TSPEAR: variants seen among roughly 807,000 people sequenced by gnomAD.
TSPEAR encodes thrombospondin-type laminin G domain and EAR repeat-containing protein.
Under a neutral mutation model 71.6 loss-of-function variants are expected in TSPEAR, and 69 were observed. The observed-to-expected ratio is 0.96, with a 90% CI of 0.79 to 1.18. The LOEUF is 1.18. TSPEAR is among the 50% of genes most tolerant of loss of function. The pLI is 0.00. For missense variants in TSPEAR, 971 were observed against 894.9 expected (o/e 1.09, Z -1.09); for synonymous variants, 402 against 387.2 (o/e 1.04, Z -0.45).
chr21:44,583,223 G>A (rs959261588), intron 1 of TSPEAR, among the ~76,000 whole-genome samples: 1 of 152,212 alleles, frequency 6.6e-6, no homozygotes, highest in Non-Finnish European at 1.5e-5. Context: ...AGCCCTGGCT[G>A]GGGGAGGGAG....
intron 6 of TSPEAR, 102 bp downstream of exon 6, chr21:44,528,350 T>A (rs1011811038): frequency 2.6e-6 from 4 of 1,528,188 alleles, no homozygotes; most frequent in Non-Finnish European, 3.6e-6. Flanking sequence ...CCTGAGGTCA[T>A]TCAGAGGTGG....
In TSPEAR at chr21:44,525,661, T is replaced by C; in HGVS notation, c.1328A>G (p.His443Arg). Reference protein sequence around the residue: ...DGEHFLAVANHREGDNHNIDS... With the variant: ...DGEHFLAVANRREGDNHNIDS... ...GGCCACTCCTGCCCTACCTTCCCGG[T>C]GGTTGGCCACCGCCAGGAAGTGCTC... The change falls in exon 8 of 12, where the codon CAC becomes CGC. Residue 443 changes from histidine to arginine, a missense_variant. Transcript: ENST00000323084. 6.2e-7 allele frequency: 1 copy of C among 1,614,088 alleles called. No homozygotes were observed. Among genetic ancestry groups the C allele is most frequent in the Non-Finnish European group, 8.5e-7 (1 of 1,179,994 alleles).
intron 1 of TSPEAR, among the ~76,000 whole-genome samples, chr21:44,663,074 C>A (rs1985580715): frequency 2.1e-5 from 3 of 143,444 alleles, no homozygotes; most frequent in Non-Finnish European, 1.5e-5. Context: ...AAATTAAACT[C>A]AAAATTAGCA....
intron 1 of TSPEAR, chr21:44,702,464 C>A: frequency 3.7e-6 from 6 of 1,609,726 alleles, no homozygotes; most frequent in South Asian, 2.2e-5. Context: ...AGCCAGCAGT[C>A]CTGCTGTGTG....
At chr21:44,660,584 A>T (rs1985429729) in intron 1 of TSPEAR, among the ~76,000 whole-genome samples, 1 of 152,276 alleles carries the variant, frequency 6.6e-6, no homozygotes, top group South Asian at 2.1e-4. Flanking sequence ...CTTCATTAAC[A>T]GCACACGTGC....
intron 1 of TSPEAR, among the ~76,000 whole-genome samples, chr21:44,692,006 TACCATG>T (rs1359009238): frequency 1.3e-5 from 2 of 152,128 alleles, no homozygotes; most frequent in Non-Finnish European, 2.9e-5. Context: ...AAGGATTATA[TACCATG>T]ACCAAGTTGG....
intron 9 of TSPEAR, chr21:44,518,681 C>T (rs1483771572): frequency 2.1e-6 from 1 of 470,920 alleles, no homozygotes; most frequent in South Asian, 1.5e-5. Flanking sequence ...TGCCCCCCAC[C>T]AGCTCATTCG....
At chr21:44,619,466 T>C (rs1469193351) in intron 1 of TSPEAR, among the ~76,000 whole-genome samples, 2 of 152,212 alleles carry the variant, frequency 1.3e-5, no homozygotes, top group African/African-American at 4.8e-5. Flanking sequence ...GCAAGAAATA[T>C]AAGCTACTCA....
At chr21:44,702,940 C>A (rs1987728918) in intron 1 of TSPEAR, 1 of 540,740 alleles carries the variant, frequency 1.8e-6, no homozygotes, top group Non-Finnish European at 3.3e-6. Flanking sequence ...ACCCTACAAC[C>A]ACGGCTTACC....
At chr21:44,511,367 C>A (rs781789794) in intron 9 of TSPEAR, among the ~76,000 whole-genome samples, 1 of 151,208 alleles carries the variant, frequency 6.6e-6, no homozygotes, top group Non-Finnish European at 1.5e-5. Flanking sequence ...TGTGTACACA[C>A]ACACATATAT....
chr21:44,576,157 A>G (rs1555923953), intron 1 of TSPEAR, among the ~76,000 whole-genome samples: 1 of 152,266 alleles, frequency 6.6e-6, no homozygotes, highest in Non-Finnish European at 1.5e-5. Context: ...TTCCATGCAC[A>G]GGTGTCAGAG....
At chr21:44,676,913 G>A (rs1387326649) in intron 1 of TSPEAR, 58 of 887,694 alleles carry the variant, frequency 6.5e-5, no homozygotes, top group South Asian at 5.2e-4. Flanking sequence ...TCGATGTGAC[G>A]ATGTGCACGG....
intron 1 of TSPEAR, among the ~76,000 whole-genome samples, chr21:44,663,970 A>G (rs880002748): frequency 1.3e-5 from 2 of 152,188 alleles, no homozygotes; most frequent in African/African-American, 2.4e-5. Context: ...TCTTTTAAAG[A>G]GCATCTATGA....
chr21:44,639,178 AC>A (rs1338822640), intron 1 of TSPEAR, among the ~76,000 whole-genome samples: 1 of 151,498 alleles, frequency 6.6e-6, no homozygotes, highest in Non-Finnish European at 1.5e-5. Flanking sequence ...CTGGACTCTG[AC>A]CCCGAGGACC....
intron 9 of TSPEAR, chr21:44,515,497 G>A (rs2052537767): frequency 6.6e-6 from 1 of 152,344 alleles, no homozygotes; most frequent in South Asian, 2.1e-4. Context: ...TTTCTTTCAG[G>A]CGGATGTCAC....
In TSPEAR at chr21:44,591,914, A is replaced by C. The variant is rs1555926724; in HGVS notation, c.83-23909T>G. The C allele has an allele frequency of 2.5e-6, 4 of 1,608,862 alleles. No homozygotes were observed. In the Admixed American group the frequency reaches 6.7e-5, roughly 27 times the overall value. On this transcript the variant is annotated intron_variant, in intron 1 of 11. Transcript: ENST00000323084. ...CCTGATTGGCAGGGGCTGGGCTCAC[A>C]GACCGCCTGGCAGCAGGGGCTGGAC...
In TSPEAR at chr21:44,627,231, C is replaced by T. The variant is rs782812759; in HGVS notation, c.83-59226G>A. The T allele has an allele frequency of 3.2e-5, 51 of 1,612,710 alleles. 1 individual carries two copies. The highest frequency in any genetic ancestry group is 1.6e-4 in the South Asian group (15 of 91,016). On this transcript the variant is annotated intron_variant, in intron 1 of 11. Transcript: ENST00000323084. The stretch of plus-strand genomic sequence containing the variant: ...CTTACTCCGACTCCTGGCAGGTGGA[C>T]GACTGCCCAGAGAGCTGCTGTGAGC...
chr21:44,705,876 G>C (rs374060248), intron 1 of TSPEAR, among the ~76,000 whole-genome samples: 2 of 151,746 alleles, frequency 1.3e-5, no homozygotes, highest in Non-Finnish European at 2.9e-5. Context: ...ACACCTATTC[G>C]CACACTCCTT....
intron 2 of TSPEAR, chr21:44,558,584 G>C (rs369189139): frequency 6.2e-7 from 1 of 1,611,736 alleles, no homozygotes; most frequent in Non-Finnish European, 8.5e-7. Flanking sequence ...TGCAGACCAG[G>C]GTCAGGCAGG....
Sources: allele counts gnomAD v4.1 joint callset (sites outside exome capture counted in the v4.1 genomes callset), GRCh38; gene constraint gnomAD v4.1.1; transcripts MANE v1.5; gene names NCBI Gene and HGNC (gene_info 2026-07-23, HGNC 2026-07-21).